MID1: variants seen among roughly 807,000 people sequenced by gnomAD.
MID1 encodes the protein E3 ubiquitin-protein ligase Midline-1.
MID1 carries 7 observed loss-of-function variants against 40.4 expected under a neutral mutation model. The ratio of observed to expected loss-of-function variants is 0.17; its 90% CI spans 0.10 to 0.33. The LOEUF (loss-of-function observed/expected upper bound fraction) is 0.33, where lower values mean the gene tolerates loss of function less well. Among genes scored for constraint, MID1 ranks in the 10% least tolerant of loss-of-function variants. The pLI is 1.00. For synonymous variants in MID1, 229 were observed against 221.2 expected (o/e 1.04, Z -0.31); for missense variants, 367 against 558.5 (o/e 0.66, Z 3.46).
intron 1 of MID1, among the ~76,000 whole-genome samples, chrX:10,641,194 CA>C (rs1464179879): frequency 9.0e-6 from 1 of 111,299 alleles, no homozygotes; most frequent in Admixed American, 9.5e-5. Flanking sequence ...AAGATAGAGA[CA>C]CAAAAAAACT....
chrX:10,823,115 A>G (rs1250984854), intron 1 of MID1, among the ~76,000 whole-genome samples: 2 of 112,188 alleles, frequency 1.8e-5, no homozygotes, highest in African/African-American at 6.5e-5. Flanking sequence ...AATGTGGTGC[A>G]TATACACCAT....
chrX:10,581,379 T>C lies in MID1; in HGVS notation c.-56-13776A>G, dbSNP rs1184306343. Among the ~76,000 whole-genome samples, 8 of 112,820 alleles carry C rather than the reference T, an allele frequency of 7.1e-5. No homozygotes were observed. The Admixed American group carries it at 7.5e-4, about 11-fold the overall frequency. ...CTTGCAAAGGCAGATCGGAGCCAGA[T>C]ACTGTACATATCTTATACTCACAGA... On this transcript the variant is annotated intron_variant, in intron 1 of 9. Transcript: ENST00000317552.
At chrX:10,829,479 A>C (rs953600111) in intron 1 of MID1, among the ~76,000 whole-genome samples, 1 of 111,984 alleles carries the variant, frequency 8.9e-6, no homozygotes, top group African/African-American at 3.2e-5. Context: ...TGAAAATGCT[A>C]TATTCCCCAA....
chrX:10,576,252 C>T (rs1214411709), intron 1 of MID1, among the ~76,000 whole-genome samples: 1 of 111,378 alleles, frequency 9.0e-6, no homozygotes, highest in African/African-American at 3.3e-5. Context: ...CTTTTCTGTA[C>T]TTTCACATCT....
At chrX:10,721,514 C>G (rs529748455) in intron 1 of MID1, among the ~76,000 whole-genome samples, 6 of 110,563 alleles carry the variant, frequency 5.4e-5, no homozygotes, top group Non-Finnish European at 9.5e-5. Context: ...GATCTAAAGA[C>G]ACAGCATTCT....
chrX:10,658,088 A>G (rs949385936), intron 1 of MID1, among the ~76,000 whole-genome samples: 5 of 111,433 alleles, frequency 4.5e-5, no homozygotes, highest in Non-Finnish European at 9.4e-5. Flanking sequence ...CTATAAATCT[A>G]TGACCTATTA....
intron 1 of MID1, among the ~76,000 whole-genome samples, chrX:10,809,007 A>T (rs1362165814): frequency 1.8e-5 from 2 of 111,830 alleles, no homozygotes; most frequent in Non-Finnish European, 3.8e-5. Flanking sequence ...AGAATGGGGG[A>T]AAAATTTTGC....
At chrX:10,537,519 C>T (rs1288646419) in intron 2 of MID1, among the ~76,000 whole-genome samples, 1 of 112,249 alleles carries the variant, frequency 8.9e-6, no homozygotes, top group African/African-American at 3.2e-5. Context: ...GATAGTAAAT[C>T]ACAAAGAGGA....
At chrX:10,620,022 A>T (rs898892059) in intron 1 of MID1, among the ~76,000 whole-genome samples, 2 of 112,170 alleles carry the variant, frequency 1.8e-5, no homozygotes, top group African/African-American at 6.5e-5. Context: ...ATATTCTACA[A>T]ACTGCTTGTA....
At chrX:10,621,606 A>G (rs1381731423), upstream of MID1, among the ~76,000 whole-genome samples, 2 of 110,816 alleles carry the variant, frequency 1.8e-5, no homozygotes, top group Non-Finnish European at 3.8e-5. Context: ...AGGAAAAAAA[A>G]TTACTTAGCA....
chrX:10,540,004 C>A (rs1446635386), intron 2 of MID1, among the ~76,000 whole-genome samples: 1 of 112,457 alleles, frequency 8.9e-6, no homozygotes, highest in Non-Finnish European at 1.9e-5. Context: ...AGTTCAAGAC[C>A]AGCCTGGCCA....
chrX:10,828,209 A>G (rs932051513), intron 1 of MID1, among the ~76,000 whole-genome samples: 2 of 112,031 alleles, frequency 1.8e-5, no homozygotes, highest in African/African-American at 6.5e-5. Flanking sequence ...TCCTCATTAC[A>G]CAAACACCAT....
intron 1 of MID1, among the ~76,000 whole-genome samples, chrX:10,637,289 T>G (rs1401646193): frequency 1.8e-5 from 2 of 110,175 alleles, no homozygotes; most frequent in Non-Finnish European, 3.8e-5. Context: ...TATTTTAAAT[T>G]GGTTTCAATA....
chrX:10,725,307 G>A (rs1023681123), intron 1 of MID1, among the ~76,000 whole-genome samples: 3 of 111,152 alleles, frequency 2.7e-5, no homozygotes, highest in African/African-American at 9.8e-5. Flanking sequence ...ATTTCCCCAA[G>A]GGCTTTCCCA....
At chrX:10,700,067 C>T (rs755888429) in intron 1 of MID1, among the ~76,000 whole-genome samples, 4 of 110,936 alleles carry the variant, frequency 3.6e-5, no homozygotes, top group Non-Finnish European at 7.5e-5. Flanking sequence ...GGTAATCTGC[C>T]TGCCTTGGCC....
intron 3 of MID1, among the ~76,000 whole-genome samples, chrX:10,503,421 C>G (rs558262162): frequency 1.8e-5 from 2 of 112,154 alleles, no homozygotes; most frequent in African/African-American, 3.2e-5. Context: ...GAGAGAATGG[C>G]CTGGCTCCTG....
In MID1 at chrX:10,483,061, A is replaced by T. The variant is rs1475266539; in HGVS notation, c.865-433T>A. Among the ~76,000 whole-genome samples, 4 of 112,554 alleles carry T rather than the reference A, an allele frequency of 3.6e-5. No individual in the cohort carries two copies. In the East Asian group the frequency reaches 1.1e-3, roughly 31 times the overall value. ...GGTGGTGAATCTATGGTTTAAATGA[A>T]AACCATTTTCTAAAAAGTGTTTTTT... On this transcript the variant is annotated intron_variant, in intron 4 of 9. Coordinates refer to ENST00000317552, the MANE Select transcript of MID1 (RefSeq NM_000381.4).
chrX:10,634,148 C>G (rs1173773868), intron 1 of MID1, among the ~76,000 whole-genome samples: 2 of 110,731 alleles, frequency 1.8e-5, no homozygotes, highest in Non-Finnish European at 3.8e-5. Context: ...GCATATAGAG[C>G]AAAAATTGCA....
At chrX:10,667,827 T>C (rs2042960170) in intron 1 of MID1, among the ~76,000 whole-genome samples, 1 of 112,034 alleles carries the variant, frequency 8.9e-6, no homozygotes, top group Non-Finnish European at 1.9e-5. Flanking sequence ...CAAGATGCCA[T>C]GGATTTAACT....
Sources: gnomAD v4.1 joint callset for allele counts (sites outside exome capture counted in the v4.1 genomes callset) on GRCh38, gnomAD v4.1.1 for gene constraint, MANE v1.5 for transcripts, NCBI Gene and HGNC (gene_info 2026-07-23, HGNC 2026-07-21) for gene names.